The following PSTPIP2 variants were observed in gnomAD, a reference collection of about 807,000 sequenced individuals.
PSTPIP2 encodes the protein proline-serine-threonine phosphatase-interacting protein 2.
A neutral mutation model predicts 63.3 loss-of-function variants in PSTPIP2; 33 were observed. The ratio of observed to expected loss-of-function variants is 0.52; its 90% CI spans 0.40 to 0.70. PSTPIP2 has a LOEUF of 0.70. PSTPIP2 is among the 30% of genes least tolerant of loss of function. The pLI is 0.00. For missense variants in PSTPIP2, 312 were observed against 400.7 expected (o/e 0.78, Z 1.89); for synonymous variants, 125 against 132.7 (o/e 0.94, Z 0.40).
At chr18:46,056,462 C>T (rs899604677) in intron 1 of PSTPIP2, among the ~76,000 whole-genome samples, 8 of 152,214 alleles carry the variant, frequency 5.3e-5, no homozygotes, top group African/African-American at 1.9e-4. Flanking sequence ...GCCTGTAATC[C>T]TAGTGCTTTG....
chr18:45,992,320 T>C, intron 10 of PSTPIP2, 118 bp from the exon 11 acceptor site: 1 of 840,442 alleles, frequency 1.2e-6, no homozygotes, highest in South Asian at 1.6e-5. Flanking sequence ...CCCAGCATTT[T>C]GGGAGGTTGG....
chr18:46,034,091 C>T (rs1907880717), intron 2 of PSTPIP2, among the ~76,000 whole-genome samples: 1 of 152,174 alleles, frequency 6.6e-6, no homozygotes, highest in South Asian at 2.1e-4. Context: ...TGTCCTGAGA[C>T]ATAGCCGACC....
intron 1 of PSTPIP2, among the ~76,000 whole-genome samples, chr18:46,067,799 C>G (rs796093450): frequency 1.3e-5 from 2 of 152,194 alleles, no homozygotes; most frequent in African/African-American, 4.8e-5. Flanking sequence ...TGAACCTTTA[C>G]TGGTTCAGGG....
chr18:46,017,314 C>A (rs2051862798), intron 3 of PSTPIP2, among the ~76,000 whole-genome samples: 1 of 152,090 alleles, frequency 6.6e-6, no homozygotes, highest in Non-Finnish European at 1.5e-5. Flanking sequence ...TTTCTGGATG[C>A]CTTTAGGACT....
At chr18:46,049,292 A>G (rs1475926472) in intron 1 of PSTPIP2, among the ~76,000 whole-genome samples, 1 of 152,054 alleles carries the variant, frequency 6.6e-6, no homozygotes, top group Non-Finnish European at 1.5e-5. Context: ...GGGGAGCCAC[A>G]CACTGGGGCC....
At chr18:46,000,805 TTC>T (rs1252265423) in intron 6 of PSTPIP2, among the ~76,000 whole-genome samples, 1 of 152,270 alleles carries the variant, frequency 6.6e-6, no homozygotes, top group Non-Finnish European at 1.5e-5. Context: ...AAAAATAATT[TTC>T]TGTTTCAACT....
At chr18:46,008,654 G>T (rs187015834) in intron 5 of PSTPIP2, among the ~76,000 whole-genome samples, 1 of 152,018 alleles carries the variant, frequency 6.6e-6, no homozygotes, top group Non-Finnish European at 1.5e-5. Flanking sequence ...TAACCACGGA[G>T]GTTCCTTTCT....
At position 45,997,782 on chromosome 18, in the gene PSTPIP2, T is replaced by C. The variant is rs2051616857; in HGVS notation, c.609A>G (p.Glu203=). 6.7e-7 allele frequency: 1 copy of C among 1,499,944 alleles called. No individual in the cohort carries two copies. The allele number at this position is 1,499,944 out of a possible 1,614,324, so 92.9% of individuals were successfully genotyped here. A position where few individuals can be genotyped will look rare whatever the true frequency, so the allele number is the denominator to read the frequency against. The part of the protein sequence containing the change: ...LHIGTLDKVR[E]EWQSEHIKAC... ...CCTTGATGTGCTCACTCTGCCACTC[T>C]TCTCGGACCTTATCCAGGGTGCCGA... The change falls in exon 9 of 15, where the codon GAA becomes GAG. Residue 203 remains glutamate (E), a synonymous_variant. Transcript: ENST00000409746.
chr18:46,015,124 T>C (rs2051839916), intron 4 of PSTPIP2, among the ~76,000 whole-genome samples: 1 of 152,116 alleles, frequency 6.6e-6, no homozygotes, highest in African/African-American at 2.4e-5. Context: ...AGGCCCAAAA[T>C]TGTCCCCTAA....
At chr18:46,028,469 G>A in intron 2 of PSTPIP2, 2 of 607,640 alleles carry the variant, frequency 3.3e-6, no homozygotes. Flanking sequence ...CGGCCGTGGA[G>A]TGGTGCCTGG....
chr18:46,002,988 C>G (rs2051683897), intron 6 of PSTPIP2, among the ~76,000 whole-genome samples: 1 of 152,170 alleles, frequency 6.6e-6, no homozygotes, highest in Admixed American at 6.5e-5. Flanking sequence ...TATTATGTTA[C>G]AAGACTCTGG....
intron 2 of PSTPIP2, among the ~76,000 whole-genome samples, chr18:46,025,570 G>T (rs1040636466): frequency 6.6e-6 from 1 of 151,378 alleles, no homozygotes; most frequent in African/African-American, 2.4e-5. Flanking sequence ...TTTTCACCTA[G>T]TAACACATCA....
chr18:46,005,675 A>C lies in PSTPIP2; in HGVS notation c.355-144T>G, dbSNP rs113028423. On this transcript the variant is annotated intron_variant, in intron 5 of 14. Transcript: ENST00000409746. ...TCACAATCTTCAGAGAAAAGAGACC[A>C]AACAATTTGCCTAAGCTCTTATTCC... 1,675 of 695,940 alleles carry C rather than the reference A, an allele frequency of 2.4e-3. 16 individuals are homozygous for C. The highest frequency in any genetic ancestry group is 5.4e-3 in the Middle Eastern group (13 of 2,400). 43.1% of individuals were successfully genotyped at this position (695,940 alleles called of 1,614,324 possible).
At chr18:45,992,298 C>G in intron 10 of PSTPIP2, 96 bp from the exon 11 acceptor site, 1 of 1,029,164 alleles carries the variant, frequency 9.7e-7, no homozygotes, top group Non-Finnish European at 1.5e-6. Flanking sequence ...CGCAGTGGCT[C>G]ATGTCTGTAA....
At chr18:46,027,898 C>T (rs1431750583) in intron 2 of PSTPIP2, among the ~76,000 whole-genome samples, 1 of 152,140 alleles carries the variant, frequency 6.6e-6, no homozygotes, top group Admixed American at 6.5e-5. Flanking sequence ...CGGTGGCTCA[C>T]GTCTGTAATC....
chr18:46,041,520 G>A (rs910819265), intron 1 of PSTPIP2, among the ~76,000 whole-genome samples: 14 of 152,100 alleles, frequency 9.2e-5, no homozygotes, highest in African/African-American at 1.2e-4. Flanking sequence ...AGTGCCAGGC[G>A]TGAGCCACCA....
rs2051451345 is a variant in PSTPIP2 at position 45,984,787 on chromosome 18, G to A, written c.*672C>T. 6.6e-6 allele frequency: 1 copy of A among 152,188 alleles called. No individual in the cohort carries two copies. The highest frequency in any genetic ancestry group is 1.5e-5 in the Non-Finnish European group (1 of 68,052). 9.4% of individuals were successfully genotyped at this position (152,188 alleles called of 1,614,324 possible). ...TGGTGATTCTCCCAACTGAAAAAGT[G>A]CTGGCAAAAATATTTGGCATCTTAA... On this transcript the variant is annotated 3_prime_UTR_variant, in exon 15 of 15. Transcript: ENST00000409746.
chr18:46,063,665 T>A (rs9958257), intron 1 of PSTPIP2, among the ~76,000 whole-genome samples: 25,751 of 151,870 alleles, frequency 0.17, 3,080 homozygotes, highest in East Asian at 0.41. Context: ...AAATATATAT[T>A]TTAAAATATG....
chr18:46,057,935 T>A (rs1465991199), intron 1 of PSTPIP2, among the ~76,000 whole-genome samples: 1 of 149,148 alleles, frequency 6.7e-6, no homozygotes, highest in Admixed American at 6.7e-5. Flanking sequence ...GAGGCGGAGC[T>A]TGCAGTGAGC....
Sources: gnomAD v4.1 joint callset for allele counts (sites outside exome capture counted in the v4.1 genomes callset) on GRCh38, gnomAD v4.1.1 for gene constraint, MANE v1.5 for transcripts, NCBI Gene and HGNC (gene_info 2026-07-23, HGNC 2026-07-21) for gene names.